HIBADH: variants seen among roughly 807,000 people sequenced by gnomAD.
HIBADH encodes 3-hydroxyisobutyrate dehydrogenase, also known as 3-hydroxyisobutyrate dehydrogenase, mitochondrial.
Under a neutral mutation model 36.1 loss-of-function variants are expected in HIBADH, and 25 were observed. That is an observed-to-expected ratio of 0.69 (90% CI 0.50 to 0.97). The LOEUF (loss-of-function observed/expected upper bound fraction) is 0.97. Among genes scored for constraint, HIBADH ranks in the 50% least tolerant of loss-of-function variants. HIBADH has a pLI of 0.00. For synonymous variants in HIBADH, 160 were observed against 149.5 expected, an observed-to-expected ratio of 1.07 and a Z score of -0.51; for missense variants, 421 against 418.0, an observed-to-expected ratio of 1.01 and a Z score of -0.06.
At position 27,538,370 on chromosome 7, in the gene HIBADH, T is replaced by A. The variant is rs529817641; in HGVS notation, c.666A>T (p.Gly222=). ...TTCCAAGATTCATAGCTTCAGCAGT[T>A]CCAATCATACTAATAGCTAACAGCA... ...NNMLLAISMI[G]TAEAMNLGIR... is the part of the protein sequence containing the mutation. The change falls in exon 6 of 8, where the codon GGA becomes GGT. Residue 222 remains glycine, a synonymous_variant. Coordinates refer to ENST00000265395, the MANE Select transcript of HIBADH (RefSeq NM_152740.4). The A allele has an allele frequency of 1.1e-5, 17 of 1,613,226 alleles. No homozygotes were observed. The African/African-American group carries it at 2.3e-4, about 22-fold the overall frequency.
intron 4 of HIBADH, among the ~76,000 whole-genome samples, chr7:27,590,842 T>C (rs1406640419): frequency 6.6e-6 from 1 of 152,224 alleles, no homozygotes; most frequent in Admixed American, 6.5e-5. Context: ...TTTAAGAAGA[T>C]ACTACCAGGT....
intron 4 of HIBADH, among the ~76,000 whole-genome samples, chr7:27,613,940 G>GT (rs929886032): frequency 7.2e-5 from 11 of 152,098 alleles, no homozygotes; most frequent in African/African-American, 2.7e-4. Flanking sequence ...GATTACAGGC[G>GT]TAAGTCACTG....
At chr7:27,535,275 G>A (rs941763015) in intron 6 of HIBADH, among the ~76,000 whole-genome samples, 2 of 151,750 alleles carry the variant, frequency 1.3e-5, no homozygotes, top group African/African-American at 4.8e-5. Flanking sequence ...ACAAACCTTT[G>A]CCATCTGTTA....
rs957662209 is a variant in HIBADH at position 27,612,321 on chromosome 7, CT to C, written c.484+17049del. 5.0e-3 allele frequency among the ~76,000 whole-genome samples: 726 copies of C among 145,702 alleles called. 6 individuals carry two copies. Among genetic ancestry groups the C allele is most frequent in the African/African-American group, 0.017 (687 of 39,624 alleles). On this transcript the variant is annotated intron_variant, in intron 4 of 7. Coordinates refer to ENST00000265395, the MANE Select transcript of HIBADH (RefSeq NM_152740.4). The stretch of plus-strand genomic sequence containing the variant: ...AAAGTTACATTCTCTTTTTCTTTTC[CT>C]TTTTTTTTTCTTTTTTTTTTTGAGA...
At chr7:27,551,040 T>A (rs1366642651) in intron 4 of HIBADH, among the ~76,000 whole-genome samples, 1 of 152,154 alleles carries the variant, frequency 6.6e-6, no homozygotes, top group African/African-American at 2.4e-5. Context: ...TGTGAGGTAA[T>A]TAACTAGCTC....
intron 1 of HIBADH, 42 bp downstream of exon 1, chr7:27,662,656 G>A: frequency 8.4e-7 from 1 of 1,192,622 alleles, no homozygotes; most frequent in South Asian, 3.0e-5. Context: ...AGAAGCGAGC[G>A]GCCGAAAGAA....
chr7:27,655,772 T>C (rs1327505537), intron 1 of HIBADH, among the ~76,000 whole-genome samples: 1 of 151,976 alleles, frequency 6.6e-6, no homozygotes, highest in African/African-American at 2.4e-5. Flanking sequence ...CCTCTAAAAA[T>C]ATACCCAACT....
chr7:27,637,371 T>C (rs1390088242), intron 2 of HIBADH, among the ~76,000 whole-genome samples: 4 of 152,350 alleles, frequency 2.6e-5, no homozygotes, highest in Non-Finnish European at 5.9e-5. Context: ...TATTAAGATC[T>C]GATCATTATT....
intron 5 of HIBADH, among the ~76,000 whole-genome samples, chr7:27,542,039 T>C (rs1021561607): frequency 2.0e-5 from 3 of 152,232 alleles, no homozygotes; most frequent in Non-Finnish European, 4.4e-5. Context: ...GTATGGTCTA[T>C]AAATATTTGT....
In HIBADH at chr7:27,533,074, AG is replaced by A. The variant is rs1223468622; in HGVS notation, c.696-1727del. On this transcript the variant is annotated intron_variant, in intron 6 of 7. Transcript: ENST00000265395. ...CTCTCTCCATTTGAAATATAATTTC[AG>A]GGCTTCCTAACTTAGATCTTTTAAG... Among the ~76,000 whole-genome samples the A allele has an allele frequency of 5.3e-5, 8 of 152,184 alleles. No homozygotes were observed. In the East Asian group the frequency reaches 1.5e-3, roughly 29 times the overall value.
chr7:27,633,014 CACTT>C (rs1785774699), intron 2 of HIBADH, among the ~76,000 whole-genome samples: 2 of 151,868 alleles, frequency 1.3e-5, no homozygotes, highest in Non-Finnish European at 1.5e-5. Flanking sequence ...AGGACATAAA[CACTT>C]ACTACAATGA....
At chr7:27,559,967 TATA>T (rs1416495906) in intron 4 of HIBADH, among the ~76,000 whole-genome samples, 4 of 152,236 alleles carry the variant, frequency 2.6e-5, no homozygotes, top group African/African-American at 7.2e-5. Context: ...TTCACTGATA[TATA>T]ATAATGCTGT....
chr7:27,550,502 G>A (rs1333190041), intron 4 of HIBADH, among the ~76,000 whole-genome samples: 2 of 151,432 alleles, frequency 1.3e-5, no homozygotes, highest in African/African-American at 2.4e-5. Flanking sequence ...TATTTGCAAT[G>A]GCCAGAATGT....
intron 1 of HIBADH, among the ~76,000 whole-genome samples, chr7:27,654,907 G>A (rs1301194707): frequency 3.3e-5 from 5 of 151,992 alleles, no homozygotes; most frequent in African/African-American, 9.7e-5. Flanking sequence ...GACCAGTCTC[G>A]AACTCCTGAG....
chr7:27,528,527 A>C (rs1480726507), intron 7 of HIBADH, among the ~76,000 whole-genome samples: 1 of 152,252 alleles, frequency 6.6e-6, no homozygotes, highest in Admixed American at 6.5e-5. Flanking sequence ...TGGATAGATC[A>C]AACCAGCCAA....
chr7:27,658,007 A>T (rs184999095), intron 1 of HIBADH, among the ~76,000 whole-genome samples: 50 of 152,318 alleles, frequency 3.3e-4, no homozygotes, highest in Non-Finnish European at 5.4e-4. Flanking sequence ...GTCCTATGCC[A>T]ACTGCCCCTT....
chr7:27,593,394 T>A (rs766238533), intron 4 of HIBADH, among the ~76,000 whole-genome samples: 4 of 152,180 alleles, frequency 2.6e-5, no homozygotes, highest in Non-Finnish European at 5.9e-5. Flanking sequence ...AGGGCAGGGA[T>A]TGTGCCTATT....
intron 4 of HIBADH, among the ~76,000 whole-genome samples, chr7:27,548,270 T>C (rs190053293): frequency 3.7e-4 from 56 of 151,990 alleles, no homozygotes; most frequent in Non-Finnish European, 5.6e-4. Flanking sequence ...CACCTACTTA[T>C]AGTTGACATC....
intron 5 of HIBADH, among the ~76,000 whole-genome samples, chr7:27,539,798 T>C (rs1462668513): frequency 2.7e-5 from 4 of 148,288 alleles, no homozygotes; most frequent in Non-Finnish European, 4.6e-5. Flanking sequence ...AAACAGTTGA[T>C]TAACACATAT....
Sources: allele counts gnomAD v4.1 joint callset (sites outside exome capture counted in the v4.1 genomes callset), GRCh38; gene constraint gnomAD v4.1.1; transcripts MANE v1.5; gene names NCBI Gene and HGNC (gene_info 2026-07-23, HGNC 2026-07-21).